CKAP5: variants seen among roughly 807,000 people sequenced by gnomAD.
The protein encoded by CKAP5 is cytoskeleton-associated protein 5.
A neutral mutation model predicts 232.8 loss-of-function variants in CKAP5; 27 were observed. That is an observed-to-expected ratio of 0.12 (90% confidence interval 0.09 to 0.16). The LOEUF is 0.16. Among genes scored for constraint, CKAP5 ranks in the 10% least tolerant of loss-of-function variants. CKAP5 has a pLI of 1.00. For missense variants in CKAP5, 1,838 were observed against 2,424.7 expected (o/e 0.76, Z 5.08); for synonymous variants, 785 against 841.1 (o/e 0.93, Z 1.16).
intron 9 of CKAP5, 150 bp downstream of exon 9, chr11:46,801,050 T>C (rs1206286778): frequency 3.9e-6 from 2 of 512,884 alleles, no homozygotes; most frequent in Admixed American, 6.1e-5. Context: ...AAGATATATC[T>C]ATGCTGAATA....
chr11:46,780,625 TTTTA>T (rs1204452798), intron 18 of CKAP5, 140 bp from the exon 19 acceptor site: 1 of 667,478 alleles, frequency 1.5e-6, no homozygotes, highest in East Asian at 2.7e-5. Context: ...CTTTATTTTA[TTTTA>T]TTTATTTGAG....
At chr11:46,772,490 C>G (rs970103355) in intron 24 of CKAP5, among the ~76,000 whole-genome samples, 1 of 152,078 alleles carries the variant, frequency 6.6e-6, no homozygotes, top group African/African-American at 2.4e-5. Context: ...GGGTGAGGTT[C>G]ATTTTTTTGT....
At chr11:46,788,052 G>T (rs912882662) in intron 16 of CKAP5, among the ~76,000 whole-genome samples, 5 of 152,074 alleles carry the variant, frequency 3.3e-5, no homozygotes, top group African/African-American at 1.2e-4. Context: ...TTACTTTATT[G>T]TAAGAATACA....
intron 13 of CKAP5, among the ~76,000 whole-genome samples, chr11:46,791,501 A>G (rs1437304319): frequency 6.6e-6 from 1 of 151,998 alleles, no homozygotes; most frequent in Admixed American, 6.6e-5. Flanking sequence ...GCAAAACCCC[A>G]TCTCTACAAA....
intron 35 of CKAP5, 126 bp downstream of exon 35, chr11:46,758,797 T>C: frequency 9.4e-7 from 1 of 1,066,866 alleles, no homozygotes; most frequent in Non-Finnish European, 1.3e-6. Flanking sequence ...TGCATTTCTT[T>C]CCTCGGGAAA....
rs1190457012 is a variant in CKAP5 at position 46,762,147 on chromosome 11, A to G, written c.4074T>C (p.Asn1358=). The G allele has an allele frequency of 1.2e-6, 2 of 1,614,126 alleles. No homozygotes were observed. The highest frequency in any genetic ancestry group is 1.1e-5 in the South Asian group (1 of 91,078). ...LGCLVESYGM[N]VCQPTPGKAL... ...CTTTTCCTGGGGTTGGTTGGCAAACATTCATGCCATAGGACTCAACCAGAC... is the reference window on the plus strand; with the variant it reads ...CTTTTCCTGGGGTTGGTTGGCAAACGTTCATGCCATAGGACTCAACCAGAC... Residue 1358 remains asparagine (N), a synonymous_variant, in exon 32 of 44, where the codon AAT becomes AAC. Transcript: ENST00000529230.
At chr11:46,838,999 G>A (rs1939984877) in intron 1 of CKAP5, among the ~76,000 whole-genome samples, 1 of 151,832 alleles carries the variant, frequency 6.6e-6, no homozygotes, top group Non-Finnish European at 1.5e-5. Context: ...CACCTAGTTT[G>A]TTGCAGGCAT....
rs1242632710 is a variant in CKAP5, at chr11:46,767,572, T to C, written c.3411+3A>G. 2.5e-6 allele frequency: 4 copies of C among 1,598,642 alleles called. No individual in the cohort carries two copies. Among genetic ancestry groups the C allele is most frequent in the South Asian group, 2.2e-5 (2 of 90,394 alleles). On this transcript the variant is annotated splice_donor_region_variant and intron_variant, in intron 27 of 43. Transcript: ENST00000529230. ...TACATCGAAGTATACAGAGTTAACA[T>C]ACCTTTGCTTTAGAGGATAATCCTG...
rs759319914 is a variant in CKAP5 at position 46,788,773 on chromosome 11, C to T, written c.1876G>A (p.Ala626Thr). 4.4e-6 allele frequency: 7 copies of T among 1,597,960 alleles called. No individual in the cohort carries two copies. Among genetic ancestry groups the T allele is most frequent in the Non-Finnish European group, 5.1e-6 (6 of 1,171,492 alleles). The change falls in exon 16 of 44, where the codon GCT becomes ACT. Residue 626 changes from alanine to threonine, a missense_variant and splice_region_variant. By Grantham distance (58) the Ala-to-Thr change is moderately conservative (BLOSUM62 0). Around this residue, in one of 6 missense-constraint regions of CKAP5, gnomAD observed 767 missense variants for 954.6 expected, o/e 0.80. Coordinates refer to ENST00000529230, the MANE Select transcript of CKAP5 (RefSeq NM_001008938.4). ...RLACMEEFQK[A>T]VELMDRTEMP... ...TCAGTTCGGTCCATTAGCTCAACAG[C>T]CTTGAAGTAAAATAAGAGAATAAGA...
chr11:46,788,828 A>G (rs2065421418), intron 15 of CKAP5, 55 bp from the exon 16 acceptor site: 2 of 1,257,766 alleles, frequency 1.6e-6, no homozygotes, highest in Admixed American at 4.1e-5. Flanking sequence ...CTTCCAAAGG[A>G]AGAGTAAATA....
chr11:46,845,537 T>A (rs12278185), intron 1 of CKAP5, among the ~76,000 whole-genome samples: 78 of 152,226 alleles, frequency 5.1e-4, no homozygotes, highest in African/African-American at 1.4e-3. Flanking sequence ...AGCTCAAAAG[T>A]AAGAATCTAG....
chr11:46,813,924 G>A lies in CKAP5; in HGVS notation c.458+2274C>T, dbSNP rs543469130. On this transcript the variant is annotated intron_variant, in intron 4 of 43. Transcript: ENST00000529230. Reference sequence around the variant, plus strand: ...CCGAGGTGGGATCACTTGATGCCAGGAGTTCCAGACCAGCCTGACCAACAT... The same window carrying A: ...CCGAGGTGGGATCACTTGATGCCAGAAGTTCCAGACCAGCCTGACCAACAT... Among the ~76,000 whole-genome samples, 20 of 151,920 alleles carry A rather than the reference G, an allele frequency of 1.3e-4. No individual in the cohort carries two copies. The East Asian group carries it at 3.9e-3, about 29-fold the overall frequency.
intron 1 of CKAP5, among the ~76,000 whole-genome samples, chr11:46,824,785 A>C (rs1939616045): frequency 6.6e-6 from 1 of 152,230 alleles, no homozygotes; most frequent in African/African-American, 2.4e-5. Flanking sequence ...CAGATATAAG[A>C]ACCAAGTTTT....
rs147762945 is a variant in CKAP5, at chr11:46,832,550, C to T, written c.-37-11282G>A. ...CCAGCTGATCCTCAGTTTTATCAAT[C>T]ATCATAACAATACCATCTTCATGTT... On this transcript the variant is annotated intron_variant, in intron 1 of 43. Coordinates refer to ENST00000529230, the MANE Select transcript of CKAP5 (RefSeq NM_001008938.4). Among the ~76,000 whole-genome samples, 7 of 152,308 alleles carry T rather than the reference C, an allele frequency of 4.6e-5. No individual in the cohort carries two copies. In the East Asian group the frequency reaches 7.7e-4, roughly 17 times the overall value.
intron 1 of CKAP5, among the ~76,000 whole-genome samples, chr11:46,842,733 C>A (rs915258685): frequency 2.0e-5 from 3 of 151,772 alleles, no homozygotes; most frequent in African/African-American, 7.3e-5. Context: ...TTTGGGAGGC[C>A]GAGGCGGGCG....
Position 46,744,064 on chromosome 11 carries a change from AGTC to A in CKAP5, c.6055_6057del (p.Asp2019del). On this transcript the variant is annotated inframe_deletion, in exon 44 of 44. Coordinates refer to ENST00000529230, the MANE Select transcript of CKAP5 (RefSeq NM_001008938.4). Reference sequence around the variant, plus strand: ...TTTATTCTCTCCAGTCTTTTTTTCAAGTCGTCTATGTTAGCTGTGGAGGAGGAG... The same window carrying A: ...TTTATTCTCTCCAGTCTTTTTTTCAAGTCTATGTTAGCTGTGGAGGAGGAG... The A allele has an allele frequency of 6.2e-7, 1 of 1,613,672 alleles. No homozygotes were observed. Among genetic ancestry groups the A allele is most frequent in the Non-Finnish European group, 8.5e-7 (1 of 1,179,998 alleles).
At chr11:46,767,734 T>A in intron 26 of CKAP5, 71 bp from the exon 27 acceptor site, 1 of 910,490 alleles carries the variant, frequency 1.1e-6, no homozygotes. Flanking sequence ...AGGTTAAATA[T>A]ATAATGATGA....
intron 1 of CKAP5, among the ~76,000 whole-genome samples, chr11:46,833,154 G>A (rs372361706): frequency 2.6e-5 from 4 of 151,982 alleles, no homozygotes; most frequent in Non-Finnish European, 4.4e-5. Flanking sequence ...CTGGGGCAGC[G>A]GGGTTCAGGG....
At chr11:46,843,590 G>A (rs1288394901) in intron 1 of CKAP5, among the ~76,000 whole-genome samples, 1 of 151,936 alleles carries the variant, frequency 6.6e-6, no homozygotes, top group Non-Finnish European at 1.5e-5. Context: ...AATTTGCCAG[G>A]CATGGTGATG....
Sources: allele counts gnomAD v4.1 joint callset (sites outside exome capture counted in the v4.1 genomes callset), GRCh38; gene constraint gnomAD v4.1.1; regional missense constraint gnomAD v4.1.1; transcripts MANE v1.5; gene names NCBI Gene and HGNC (gene_info 2026-07-23, HGNC 2026-07-21).